L3MBTL4: variants seen among roughly 807,000 people sequenced by gnomAD.
The protein encoded by L3MBTL4 is lethal(3)malignant brain tumor-like protein 4.
L3MBTL4 carries 70 observed loss-of-function variants against 84.5 expected under a neutral mutation model. That is an observed-to-expected ratio of 0.83 (90% confidence interval 0.68 to 1.01). The LOEUF is 1.01. L3MBTL4 is among the 50% of genes least tolerant of loss of function. L3MBTL4 has a pLI of 0.00. For missense variants in L3MBTL4, 715 were observed against 754.8 expected, an observed-to-expected ratio of 0.95 and a Z score of 0.62; for synonymous variants, 274 against 259.8, an observed-to-expected ratio of 1.05 and a Z score of -0.52.
chr18:5,994,979 A>C (rs1048577435), intron 16 of L3MBTL4, among the ~76,000 whole-genome samples: 3 of 152,248 alleles, frequency 2.0e-5, no homozygotes, highest in Non-Finnish European at 4.4e-5. Context: ...TTTGTTCATC[A>C]TTCTGATTTA....
intron 14 of L3MBTL4, among the ~76,000 whole-genome samples, chr18:6,095,910 G>C (rs2058627061): frequency 6.6e-6 from 1 of 152,174 alleles, no homozygotes; most frequent in Non-Finnish European, 1.5e-5. Flanking sequence ...ACTTTCTGTA[G>C]GCAAAAGTTG....
Position 6,402,339 on chromosome 18 carries a change from C to T in L3MBTL4, c.-91+12462G>A, listed in dbSNP as rs182930. On this transcript the variant is annotated intron_variant, in intron 1 of 18. Coordinates refer to ENST00000317931, the MANE Select transcript of L3MBTL4 (RefSeq NM_001330559.2). The stretch of plus-strand genomic sequence containing the variant: ...AGTTAAGATAGAAAGTTCCTAAGTA[C>T]GCTTACAATTCTAATAAATTATTCT... Among the ~76,000 whole-genome samples the T allele has an allele frequency of 3.0e-3, 451 of 152,238 alleles. 3 individuals carry two copies. The highest frequency in any genetic ancestry group is 0.01 in the African/African-American group (420 of 41,544).
chr18:6,083,704 C>T (rs547481213), intron 15 of L3MBTL4, among the ~76,000 whole-genome samples: 19 of 152,274 alleles, frequency 1.2e-4, no homozygotes, highest in African/African-American at 4.1e-4. Context: ...ATAATAGCTC[C>T]GGGCATCCTA....
At chr18:6,405,321 A>T (rs1024997346) in intron 1 of L3MBTL4, among the ~76,000 whole-genome samples, 1 of 152,124 alleles carries the variant, frequency 6.6e-6, no homozygotes, top group Non-Finnish European at 1.5e-5. Context: ...TCCATAACAC[A>T]TGGTCTCTGG....
chr18:6,027,821 G>A (rs535084181), intron 16 of L3MBTL4, among the ~76,000 whole-genome samples: 6 of 152,274 alleles, frequency 3.9e-5, no homozygotes, highest in South Asian at 2.1e-4. Context: ...TTTGTTGTCC[G>A]CAGAAATGTC....
intron 16 of L3MBTL4, among the ~76,000 whole-genome samples, chr18:5,984,520 A>C (rs2053382704): frequency 6.6e-6 from 1 of 152,246 alleles, no homozygotes; most frequent in South Asian, 2.1e-4. Flanking sequence ...AAATATGCTT[A>C]ATTATGTTGC....
chr18:6,120,822 T>A (rs905075840), intron 14 of L3MBTL4, among the ~76,000 whole-genome samples: 2 of 152,222 alleles, frequency 1.3e-5, no homozygotes, highest in African/African-American at 2.4e-5. Flanking sequence ...CTCAATGCAG[T>A]ACAGCATCCC....
chr18:6,232,227 A>G (rs1250022020), intron 10 of L3MBTL4, among the ~76,000 whole-genome samples: 1 of 152,152 alleles, frequency 6.6e-6, no homozygotes, highest in Non-Finnish European at 1.5e-5. Flanking sequence ...CATTTCAGTA[A>G]TAAATCCCAC....
intron 16 of L3MBTL4, among the ~76,000 whole-genome samples, chr18:6,000,796 T>G (rs972668488): frequency 6.6e-6 from 1 of 152,190 alleles, no homozygotes; most frequent in East Asian, 1.9e-4. Flanking sequence ...CAGCATCCAG[T>G]CAAGCATCAC....
chr18:6,195,685 T>C (rs2045344339), intron 12 of L3MBTL4, among the ~76,000 whole-genome samples: 1 of 152,240 alleles, frequency 6.6e-6, no homozygotes, highest in South Asian at 2.1e-4. Flanking sequence ...ATAAAATATT[T>C]TGTGGCTGAG....
chr18:6,350,553 G>GA (rs56235442), intron 1 of L3MBTL4, among the ~76,000 whole-genome samples: 1,703 of 142,140 alleles, frequency 0.012, 40 homozygotes, highest in African/African-American at 0.039. Flanking sequence ...ATATAAAAAA[G>GA]AAAAAAAAAA....
chr18:6,208,903 A>G (rs2045982487), intron 12 of L3MBTL4, among the ~76,000 whole-genome samples: 1 of 152,210 alleles, frequency 6.6e-6, no homozygotes, highest in Non-Finnish European at 1.5e-5. Flanking sequence ...AATGAACCAC[A>G]TATCACCAAA....
At chr18:6,318,159 G>C (rs1357200088) in intron 1 of L3MBTL4, among the ~76,000 whole-genome samples, 1 of 151,988 alleles carries the variant, frequency 6.6e-6, no homozygotes, top group Admixed American at 6.6e-5. Context: ...TCTCTTGAAA[G>C]CATAAAACTC....
At chr18:6,016,404 A>G (rs1165453123) in intron 16 of L3MBTL4, among the ~76,000 whole-genome samples, 1 of 152,184 alleles carries the variant, frequency 6.6e-6, no homozygotes, top group Non-Finnish European at 1.5e-5. Flanking sequence ...ATTTCTCTGA[A>G]AGCAATCTGC....
At chr18:5,959,638 C>A (rs898324712) in intron 18 of L3MBTL4, among the ~76,000 whole-genome samples, 1 of 152,160 alleles carries the variant, frequency 6.6e-6, no homozygotes, top group African/African-American at 2.4e-5. Context: ...TTGGAGTAGA[C>A]AAATCCCCAA....
chr18:6,287,556 G>C (rs934659686), intron 4 of L3MBTL4, among the ~76,000 whole-genome samples: 1 of 152,248 alleles, frequency 6.6e-6, no homozygotes, highest in Non-Finnish European at 1.5e-5. Context: ...CATTTTGATC[G>C]CTGTGCTGTT....
intron 17 of L3MBTL4, among the ~76,000 whole-genome samples, chr18:5,964,528 C>T (rs1364404345): frequency 2.0e-5 from 3 of 151,730 alleles, no homozygotes; most frequent in South Asian, 2.1e-4. Context: ...TTTCTAAGGG[C>T]CCAATTGTAT....
chr18:6,411,164 T>TC (rs1299498297), intron 1 of L3MBTL4, among the ~76,000 whole-genome samples: 1 of 152,192 alleles, frequency 6.6e-6, no homozygotes, highest in African/African-American at 2.4e-5. Flanking sequence ...GAGCTTCATT[T>TC]CCCCCAAGCA....
intron 1 of L3MBTL4, among the ~76,000 whole-genome samples, chr18:6,348,508 G>T (rs2053027146): frequency 6.6e-6 from 1 of 152,082 alleles, no homozygotes; most frequent in African/African-American, 2.4e-5. Context: ...AGATGATCTT[G>T]AATGAATAGT....
Sources: allele counts gnomAD v4.1 joint callset (sites outside exome capture counted in the v4.1 genomes callset), GRCh38; gene constraint gnomAD v4.1.1; transcripts MANE v1.5; gene names NCBI Gene and HGNC (gene_info 2026-07-23, HGNC 2026-07-21).